Variants in GRM1 observed in about 807,000 individuals in gnomAD.
GRM1 encodes glutamate metabotropic receptor 1, also known as metabotropic glutamate receptor 1.
Under a neutral mutation model 90.9 loss-of-function variants are expected in GRM1, and 33 were observed. The ratio of observed to expected loss-of-function variants is 0.36; its 90% CI spans 0.28 to 0.49. GRM1 has a LOEUF of 0.49. GRM1 is among the 20% of genes least tolerant of loss of function. The probability of loss-of-function intolerance (pLI) is 0.99; values close to 1 mark genes in which losing one functional copy is unlikely to be tolerated. For missense variants in GRM1, 1,190 were observed against 1,534.3 expected (o/e 0.78, Z 3.75); for synonymous variants, 700 against 613.2 (o/e 1.14, Z -2.09).
In GRM1 at chr6:146,306,441, A is replaced by G. The variant is rs1475341122; in HGVS notation, c.1186+1595A>G. Among the ~76,000 whole-genome samples, 3 of 152,196 alleles carry G rather than the reference A, an allele frequency of 2.0e-5. No individual in the cohort carries two copies. In the East Asian group the frequency reaches 5.8e-4, roughly 29 times the overall value. ...ACAACCCACACCTCCTAGACAACAT[A>G]GTGCCTATTTTTAGACTTAGTATTT... On this transcript the variant is annotated intron_variant, in intron 3 of 7. Coordinates refer to ENST00000282753, the MANE Select transcript of GRM1 (RefSeq NM_001278064.2).
At chr6:146,047,539 G>A (rs1414339757) in intron 1 of GRM1, among the ~76,000 whole-genome samples, 4 of 148,902 alleles carry the variant, frequency 2.7e-5, no homozygotes, top group Non-Finnish European at 5.9e-5. Flanking sequence ...TGGTTTCTCA[G>A]CTGTGAAATG....
At chr6:146,232,122 G>A (rs1171758730) in intron 2 of GRM1, among the ~76,000 whole-genome samples, 2 of 152,138 alleles carry the variant, frequency 1.3e-5, no homozygotes, top group East Asian at 3.9e-4. Context: ...GTTATTTATT[G>A]GATAAGCTTT....
At chr6:146,297,354 G>A (rs1382038013) in intron 2 of GRM1, among the ~76,000 whole-genome samples, 2 of 152,014 alleles carry the variant, frequency 1.3e-5, no homozygotes, top group Non-Finnish European at 2.9e-5. Flanking sequence ...TAGAGATGGG[G>A]TTTCACTGTG....
intron 2 of GRM1, among the ~76,000 whole-genome samples, chr6:146,169,709 C>T (rs1045756332): frequency 6.6e-6 from 1 of 152,156 alleles, no homozygotes; most frequent in African/African-American, 2.4e-5. Flanking sequence ...GTAACATGGG[C>T]AATTTGGTTC....
In GRM1 at chr6:146,435,115, CAT is replaced by C. The variant is rs892881667; in HGVS notation, c.*321_*322del. Reference sequence around the variant, plus strand: ...ACAAATCAAATAGTGACATCACAAACATAATGTCCTCTTTTGCACAATTGTGC... The same window carrying C: ...ACAAATCAAATAGTGACATCACAAACAATGTCCTCTTTTGCACAATTGTGC... On this transcript the variant is annotated 3_prime_UTR_variant, in exon 8 of 8. Coordinates refer to ENST00000282753, the MANE Select transcript of GRM1 (RefSeq NM_001278064.2). The C allele has an allele frequency of 4.2e-6, 2 of 479,128 alleles. No individual in the cohort carries two copies. The highest frequency in any genetic ancestry group is 7.7e-6 in the Non-Finnish European group (2 of 260,944). The allele number at this position is 479,128 out of a possible 1,614,324, so 29.7% of individuals were successfully genotyped here. A position where few individuals can be genotyped will look rare whatever the true frequency, so the allele number is the denominator to read the frequency against.
At position 146,029,898 on chromosome 6, in the gene GRM1, G is replaced by C. The variant is rs748302318; in HGVS notation, c.381G>C (p.Leu127=). The C allele has an allele frequency of 6.2e-7, 1 of 1,614,124 alleles. No homozygotes were observed. The highest frequency in any genetic ancestry group is 8.5e-7 in the Non-Finnish European group (1 of 1,180,018). ...GCATTGAGTTCATTAGGGACTCTCT[G>C]ATTTCCATTCGAGATGAGAAGGATG... is the stretch of plus-strand genomic sequence containing the variant. ...EQSIEFIRDS[L]ISIRDEKDGI... is the part of the protein sequence containing the mutation. Residue 127 remains leucine, a synonymous_variant, in exon 1 of 8, where the codon CTG becomes CTC. Transcript: ENST00000282753.
chr6:146,161,663 G>T (rs1178316512), intron 2 of GRM1, among the ~76,000 whole-genome samples: 1 of 152,134 alleles, frequency 6.6e-6, no homozygotes, highest in African/African-American at 2.4e-5. Flanking sequence ...CTGATGCATG[G>T]AATCATTGAG....
intron 7 of GRM1, among the ~76,000 whole-genome samples, chr6:146,410,908 C>A (rs898145350): frequency 6.6e-6 from 1 of 152,126 alleles, no homozygotes; most frequent in Non-Finnish European, 1.5e-5. Flanking sequence ...TATAAAATCA[C>A]TTTTGCTAGG....
intron 1 of GRM1, among the ~76,000 whole-genome samples, chr6:146,112,053 C>T (rs1450325412): frequency 2.0e-5 from 3 of 152,176 alleles, no homozygotes; most frequent in Admixed American, 6.5e-5. Flanking sequence ...TACCCCAGTG[C>T]ACCACTAGGC....
At chr6:146,374,592 T>G (rs1776024152) in intron 5 of GRM1, among the ~76,000 whole-genome samples, 1 of 152,170 alleles carries the variant, frequency 6.6e-6, no homozygotes. Flanking sequence ...TGGTTCAATC[T>G]TGGTAGGTTG....
At chr6:146,199,157 T>C (rs891282029) in intron 2 of GRM1, among the ~76,000 whole-genome samples, 2 of 152,336 alleles carry the variant, frequency 1.3e-5, no homozygotes, top group African/African-American at 2.4e-5. Context: ...GTATTCCTGA[T>C]AGTGGCTGGT....
rs927752685 is a variant in GRM1, at chr6:146,029,453, G to T, written c.-65G>T. 5 of 1,312,064 alleles carry T rather than the reference G, an allele frequency of 3.8e-6. No individual in the cohort carries two copies. Among genetic ancestry groups the T allele is most frequent in the Non-Finnish European group, 5.5e-6 (5 of 905,582 alleles). The allele number at this position is 1,312,064 out of a possible 1,614,324, so 81.3% of individuals were successfully genotyped here. A position where few individuals can be genotyped will look rare whatever the true frequency, so the allele number is the denominator to read the frequency against. On this transcript the variant is annotated 5_prime_UTR_variant, in exon 1 of 8. Transcript: ENST00000282753. Reference sequence around the variant, plus strand: ...GCTGGGCGTCTTGGGGGTGCGCGCCGGGAGCCTGCAGCGGGACCAGCGTGG... The same window carrying T: ...GCTGGGCGTCTTGGGGGTGCGCGCCTGGAGCCTGCAGCGGGACCAGCGTGG...
chr6:146,120,893 A>G (rs1279873754), intron 1 of GRM1, among the ~76,000 whole-genome samples: 7 of 152,110 alleles, frequency 4.6e-5, no homozygotes, highest in Admixed American at 3.9e-4. Flanking sequence ...TTGGTCTAAA[A>G]TTCTCTTTTT....
chr6:146,292,947 G>A (rs1169358237), intron 2 of GRM1, among the ~76,000 whole-genome samples: 2 of 152,094 alleles, frequency 1.3e-5, no homozygotes, highest in East Asian at 3.9e-4. Flanking sequence ...ACAAAGGAAT[G>A]AAGCACTGAT....
chr6:146,118,982 T>C (rs956301194), intron 1 of GRM1, among the ~76,000 whole-genome samples: 22 of 152,204 alleles, frequency 1.4e-4, no homozygotes, highest in Admixed American at 1.0e-3. Flanking sequence ...GATCAAATGG[T>C]ATTTCTAGTT....
intron 1 of GRM1, among the ~76,000 whole-genome samples, chr6:146,035,079 G>C (rs972547145): frequency 4.0e-5 from 6 of 151,890 alleles, no homozygotes; most frequent in Admixed American, 3.9e-4. Flanking sequence ...AGGGAATTTT[G>C]GTTAGAGTTT....
intron 1 of GRM1, among the ~76,000 whole-genome samples, chr6:146,082,953 T>A (rs1169473574): frequency 6.6e-6 from 1 of 152,216 alleles, no homozygotes. Flanking sequence ...GCCCTTCACA[T>A]CCCTTGTTAG....
intron 2 of GRM1, among the ~76,000 whole-genome samples, chr6:146,167,520 A>G (rs917756224): frequency 3.9e-5 from 6 of 152,106 alleles, no homozygotes; most frequent in African/African-American, 1.4e-4. Flanking sequence ...AATGTATGAG[A>G]GTTCTAATTC....
intron 2 of GRM1, among the ~76,000 whole-genome samples, chr6:146,214,117 G>C (rs770895078): frequency 6.6e-6 from 1 of 152,036 alleles, no homozygotes; most frequent in Non-Finnish European, 1.5e-5. Context: ...TTTGAGGGTG[G>C]ATCTTCCCCC....
Sources: gnomAD v4.1 joint callset for allele counts (sites outside exome capture counted in the v4.1 genomes callset) on GRCh38, gnomAD v4.1.1 for gene constraint, MANE v1.5 for transcripts, NCBI Gene and HGNC (gene_info 2026-07-23, HGNC 2026-07-21) for gene names.